SOX5: variants seen among roughly 807,000 people sequenced by gnomAD.
The protein encoded by SOX5 is SRY-box transcription factor 5, also known as transcription factor SOX-5.
In SOX5, 9 loss-of-function variants were observed where a neutral mutation model predicts 92.0. That is an observed-to-expected ratio of 0.10 (90% CI 0.06 to 0.17). The LOEUF is 0.17. Ranked by LOEUF, SOX5 falls within the 10% of genes least tolerant of loss-of-function variation. SOX5 has a pLI of 1.00. For synonymous variants in SOX5, 344 were observed against 336.3 expected (o/e 1.02, Z -0.25); for missense variants, 642 against 944.5 (o/e 0.68, Z 4.20).
chr12:23,812,828 T>G (rs2095901903), intron 3 of SOX5, among the ~76,000 whole-genome samples: 1 of 152,122 alleles, frequency 6.6e-6, no homozygotes, highest in Admixed American at 6.6e-5. Flanking sequence ...AAATTTACAC[T>G]AATACACTTT....
chr12:23,599,307 C>G lies in SOX5; in HGVS notation c.1164+5080G>C, dbSNP rs190975312. On this transcript the variant is annotated intron_variant, in intron 9 of 14. Transcript: ENST00000451604. ...ATTGTGTCTGGTCAGCTGGTTAGGGCCATTTCTGGCTTGTCGGAGAAATAT... is the reference window on the plus strand; with the variant it reads ...ATTGTGTCTGGTCAGCTGGTTAGGGGCATTTCTGGCTTGTCGGAGAAATAT... Among the ~76,000 whole-genome samples the G allele has an allele frequency of 2.5e-3, 379 of 152,320 alleles. 7 individuals carry two copies. The highest frequency in any genetic ancestry group is 5.3e-4 in the Non-Finnish European group (36 of 68,028).
At chr12:23,563,648 T>C (rs1218353883) in intron 10 of SOX5, among the ~76,000 whole-genome samples, 1 of 152,248 alleles carries the variant, frequency 6.6e-6, no homozygotes, top group Non-Finnish European at 1.5e-5. Context: ...GACATATGGT[T>C]GTTTCCAACT....
chr12:23,567,464 A>ATT (rs35620007), intron 10 of SOX5, among the ~76,000 whole-genome samples: 4,871 of 119,056 alleles, frequency 0.041, 173 homozygotes, highest in Non-Finnish European at 0.055. Flanking sequence ...ATTTGATTTG[A>ATT]TTTTTTTTTT....
At chr12:23,986,308 T>C (rs2136214594) in intron 4 of SOX5, among the ~76,000 whole-genome samples, 1 of 152,098 alleles carries the variant, frequency 6.6e-6, no homozygotes, top group Middle Eastern at 3.4e-3. Context: ...AGGGAAGACA[T>C]ACGACAAAAT....
At chr12:23,700,244 A>T (rs557386740) in intron 6 of SOX5, among the ~76,000 whole-genome samples, 76 of 152,122 alleles carry the variant, frequency 5.0e-4, no homozygotes, top group Middle Eastern at 6.8e-3. Flanking sequence ...TTAATGAGAC[A>T]GTCTCAGGTT....
At position 24,506,418 on chromosome 12, in the gene SOX5, A is replaced by G. The variant is rs199820821; in HGVS notation, c.-251+55911T>C. Among the ~76,000 whole-genome samples the G allele has an allele frequency of 3.3e-3, 485 of 146,848 alleles. 5 individuals carry two copies. The highest frequency in any genetic ancestry group is 0.012 in the African/African-American group (462 of 39,954). Reference sequence around the variant, plus strand: ...GCACATAAATTTACAAAAAAAAAAAAAGAGAGAGAGAGATGCAATAATGAT... The same window carrying G: ...GCACATAAATTTACAAAAAAAAAAAGAGAGAGAGAGAGATGCAATAATGAT... On this transcript the variant is annotated intron_variant, in intron 1 of 4. Coordinates refer to the SOX5 transcript ENST00000446891.
intron 1 of SOX5, among the ~76,000 whole-genome samples, chr12:24,401,362 A>AAAAAG (rs1961552943): frequency 6.6e-6 from 1 of 151,298 alleles, no homozygotes; most frequent in African/African-American, 2.4e-5. Flanking sequence ...AGGGGAAAAA[A>AAAAAG]AAAAAAAAAG....
At chr12:24,074,859 CT>C (rs1942328366) in intron 4 of SOX5, among the ~76,000 whole-genome samples, 1 of 151,092 alleles carries the variant, frequency 6.6e-6, no homozygotes, top group Admixed American at 6.6e-5. Context: ...TTGGTTTCTA[CT>C]CTTTGGATTA....
intron 3 of SOX5, among the ~76,000 whole-genome samples, chr12:24,260,260 C>T (rs764771160): frequency 4.6e-5 from 7 of 152,152 alleles, no homozygotes; most frequent in Admixed American, 1.3e-4. Flanking sequence ...ACCTGTTAAT[C>T]AGGAGATAGC....
intron 5 of SOX5, among the ~76,000 whole-genome samples, chr12:23,736,689 CTTTTT>C (rs547312649): frequency 1.5e-5 from 2 of 132,622 alleles, no homozygotes; most frequent in Non-Finnish European, 3.2e-5. Context: ...TGTTCTTTCT[CTTTTT>C]TTTTTTTTTT....
chr12:24,299,634 T>G (rs1275416080), intron 2 of SOX5, among the ~76,000 whole-genome samples: 1 of 152,196 alleles, frequency 6.6e-6, no homozygotes, highest in Non-Finnish European at 1.5e-5. Context: ...AGACAGTTTA[T>G]GTGGTAGCAT....
At chr12:23,735,148 C>T (rs536622310) in intron 5 of SOX5, among the ~76,000 whole-genome samples, 8 of 152,214 alleles carry the variant, frequency 5.3e-5, no homozygotes, top group East Asian at 3.9e-4. Flanking sequence ...CAGAGTAGCA[C>T]AAAGTATTGC....
chr12:23,961,758 G>A (rs980531109), intron 4 of SOX5, among the ~76,000 whole-genome samples: 3 of 152,130 alleles, frequency 2.0e-5, no homozygotes, highest in African/African-American at 7.2e-5. Flanking sequence ...TAGTACCACT[G>A]CACTCTTTAC....
chr12:23,565,140 CA>C (rs953044581), intron 10 of SOX5, among the ~76,000 whole-genome samples: 1 of 152,130 alleles, frequency 6.6e-6, no homozygotes, highest in African/African-American at 2.4e-5. Context: ...ATTATAAACA[CA>C]ATAGTGAATT....
chr12:23,804,644 G>C (rs1409235639), intron 3 of SOX5, among the ~76,000 whole-genome samples: 1 of 151,556 alleles, frequency 6.6e-6, no homozygotes, highest in African/African-American at 2.4e-5. Flanking sequence ...TATCTCTGAT[G>C]GTACCCGATG....
rs1393581716 is a variant in SOX5, at chr12:24,393,323, T to C, written c.-250-24684A>G. Among the ~76,000 whole-genome samples the C allele has an allele frequency of 6.6e-6, 1 of 152,228 alleles. No homozygotes were observed. The highest frequency in any genetic ancestry group is 1.5e-5 in the Non-Finnish European group (1 of 68,044). ...ATTTACCTTCTGCAGCAACAGCTGC[T>C]GCAAAATCATGCTGCTGACTTTTTG... is the stretch of plus-strand genomic sequence containing the variant. On this transcript the variant is annotated intron_variant, in intron 1 of 4. Transcript: ENST00000446891. The surrounding 1 kb of genome is among the most constrained non-coding windows in gnomAD (Gnocchi z 5.0).
chr12:24,159,407 A>G (rs755314798), intron 4 of SOX5, among the ~76,000 whole-genome samples: 2 of 151,998 alleles, frequency 1.3e-5, no homozygotes, highest in African/African-American at 2.4e-5. Flanking sequence ...TAAGAAAAAT[A>G]TTTATTTTGT....
chr12:23,554,178 CA>C (rs1210538685), intron 11 of SOX5, among the ~76,000 whole-genome samples: 1 of 152,016 alleles, frequency 6.6e-6, no homozygotes, highest in Non-Finnish European at 1.5e-5. Context: ...CTAGGAGAAA[CA>C]AAGTAACTAG....
At chr12:24,495,457 G>T (rs1022836623) in intron 1 of SOX5, among the ~76,000 whole-genome samples, 25 of 152,182 alleles carry the variant, frequency 1.6e-4, no homozygotes, top group Middle Eastern at 6.3e-3. Context: ...ATTCAGAAAA[G>T]ATTTTCACAA....
Sources: gnomAD v4.1 joint callset for allele counts (sites outside exome capture counted in the v4.1 genomes callset) on GRCh38, gnomAD v4.1.1 for gene constraint, Gnocchi (gnomAD v3.1) non-coding constraint, MANE v1.5 for transcripts, NCBI Gene and HGNC (gene_info 2026-07-23, HGNC 2026-07-21) for gene names.